IQCM: variants seen among roughly 807,000 people sequenced by gnomAD.
IQCM encodes the protein IQ motif containing M, also known as IQ domain-containing protein M.
Under a neutral mutation model 57.6 loss-of-function variants are expected in IQCM, and 45 were observed. The observed-to-expected ratio is 0.78, with a 90% CI of 0.62 to 1.00. The LOEUF is 1.00. Among genes scored for constraint, IQCM ranks in the 50% least tolerant of loss-of-function variants. The pLI, the probability that IQCM is intolerant of heterozygous loss-of-function variation, is 0.00. For missense variants in IQCM, 468 were observed against 511.6 expected, an observed-to-expected ratio of 0.91 and a Z score of 0.82; for synonymous variants, 148 against 158.9, an observed-to-expected ratio of 0.93 and a Z score of 0.51.
At chr4:149,364,602 G>C (rs1191918703) in intron 13 of IQCM, among the ~76,000 whole-genome samples, 1 of 152,082 alleles carries the variant, frequency 6.6e-6, no homozygotes, top group Non-Finnish European at 1.5e-5. Flanking sequence ...GTCTGCACCA[G>C]ATGAAAGGAA....
chr4:149,625,326 A>G (rs546070319), intron 7 of IQCM, among the ~76,000 whole-genome samples: 2 of 152,362 alleles, frequency 1.3e-5, no homozygotes, highest in East Asian at 3.9e-4. Context: ...TGTTTCCAAA[A>G]GGATTCAATG....
At chr4:149,423,747 C>A (rs115653222) in intron 13 of IQCM, among the ~76,000 whole-genome samples, 2,434 of 151,890 alleles carry the variant, frequency 0.016, 51 homozygotes, top group African/African-American at 0.05. Flanking sequence ...TTTTATTTAC[C>A]TTTGAATCCT....
chr4:149,776,138 A>T (rs1313169706), intron 2 of IQCM, among the ~76,000 whole-genome samples: 6 of 150,146 alleles, frequency 4.0e-5, no homozygotes, highest in African/African-American at 1.5e-4. Context: ...TCTCTAAAAA[A>T]TTTAATTTAA....
chr4:149,458,734 T>C (rs950497480), intron 12 of IQCM, among the ~76,000 whole-genome samples: 3 of 152,136 alleles, frequency 2.0e-5, no homozygotes. Context: ...GAATTTAGTA[T>C]TTTGGTAGCA....
At chr4:149,521,386 T>C (rs900974169) in intron 12 of IQCM, among the ~76,000 whole-genome samples, 2 of 152,172 alleles carry the variant, frequency 1.3e-5, no homozygotes, top group Non-Finnish European at 2.9e-5. Flanking sequence ...TTCTCCTCTT[T>C]TTTCTACCAT....
At chr4:149,362,879 G>A (rs748680585) in intron 13 of IQCM, among the ~76,000 whole-genome samples, 5 of 152,198 alleles carry the variant, frequency 3.3e-5, no homozygotes, top group Non-Finnish European at 7.3e-5. Flanking sequence ...CTTTTAGTAA[G>A]AGGAGAATGA....
intron 12 of IQCM, among the ~76,000 whole-genome samples, chr4:149,483,079 C>T (rs180829223): frequency 1.5e-4 from 23 of 151,934 alleles, no homozygotes; most frequent in African/African-American, 5.5e-4. Flanking sequence ...TAGTCACTAA[C>T]AATCCTTTGA....
intron 6 of IQCM, among the ~76,000 whole-genome samples, chr4:149,683,182 A>T (rs1312879812): frequency 2.6e-5 from 4 of 151,156 alleles, no homozygotes; most frequent in South Asian, 2.1e-4. Context: ...CTTATTTACC[A>T]GTGTTCTTCT....
At chr4:149,738,243 G>A (rs1429762642) in intron 3 of IQCM, among the ~76,000 whole-genome samples, 1 of 152,166 alleles carries the variant, frequency 6.6e-6, no homozygotes, top group Non-Finnish European at 1.5e-5. Flanking sequence ...CACCTCATGA[G>A]TACTGGAAAT....
At chr4:149,775,755 T>A (rs994052717) in intron 2 of IQCM, among the ~76,000 whole-genome samples, 2 of 152,202 alleles carry the variant, frequency 1.3e-5, no homozygotes, top group African/African-American at 4.8e-5. Context: ...GCCAAGATAA[T>A]GATGTTCACT....
At chr4:149,523,026 G>A (rs1451114414) in intron 12 of IQCM, among the ~76,000 whole-genome samples, 3 of 152,114 alleles carry the variant, frequency 2.0e-5, no homozygotes. Flanking sequence ...TGATTCTGGA[G>A]AGGCTGGGAA....
At chr4:149,611,011 A>C (rs1343637755) in intron 8 of IQCM, among the ~76,000 whole-genome samples, 1 of 152,120 alleles carries the variant, frequency 6.6e-6, no homozygotes, top group African/African-American at 2.4e-5. Context: ...AAACAACTCA[A>C]TAGGAAAAGA....
At chr4:149,653,428 CTCTT>C (rs1422232515) in intron 7 of IQCM, among the ~76,000 whole-genome samples, 12 of 152,154 alleles carry the variant, frequency 7.9e-5, no homozygotes, top group African/African-American at 2.4e-4. Context: ...AAGCCAACCT[CTCTT>C]TCTTTCTATG....
At chr4:149,620,837 A>G (rs1307884437) in intron 8 of IQCM, among the ~76,000 whole-genome samples, 2 of 152,198 alleles carry the variant, frequency 1.3e-5, no homozygotes, top group Admixed American at 1.3e-4. Flanking sequence ...CCATTACAAA[A>G]ATAGTGGAGG....
At chr4:149,558,858 G>A (rs1056313860) in intron 10 of IQCM, among the ~76,000 whole-genome samples, 15 of 152,090 alleles carry the variant, frequency 9.9e-5, no homozygotes, top group Admixed American at 2.6e-4. Flanking sequence ...TCTGAATTTT[G>A]GACCCATATA....
chr4:149,554,750 AGTGCAGT>A (rs1749392437), intron 10 of IQCM, among the ~76,000 whole-genome samples: 6 of 149,410 alleles, frequency 4.0e-5, no homozygotes, highest in African/African-American at 1.5e-4. Context: ...CCCAGGCTGG[AGTGCAGT>A]GGCGCGATCT....
At chr4:149,486,786 A>G (rs1025795910) in intron 12 of IQCM, among the ~76,000 whole-genome samples, 1 of 152,016 alleles carries the variant, frequency 6.6e-6, no homozygotes, top group African/African-American at 2.4e-5. Context: ...CTCTTTCCTC[A>G]GGTTGTAGTG....
At position 149,485,227 on chromosome 4, in the gene IQCM, T is replaced by C. The variant is rs1741341313; in HGVS notation, c.1229-51670A>G. Among the ~76,000 whole-genome samples the C allele has an allele frequency of 2.0e-5, 3 of 152,054 alleles. No individual in the cohort carries two copies. In the South Asian group the frequency reaches 6.2e-4, roughly 31 times the overall value. ...TCTGCTTGGTGTTCTATAATCTTCTTATATGTGAATGTTGATATCTTTCTC... is the reference window on the plus strand; with the variant it reads ...TCTGCTTGGTGTTCTATAATCTTCTCATATGTGAATGTTGATATCTTTCTC... On this transcript the variant is annotated intron_variant, in intron 12 of 13. Coordinates refer to ENST00000636793, the MANE Select transcript of IQCM (RefSeq NM_001363507.2).
At chr4:149,465,550 C>T in intron 12 of IQCM, among the ~76,000 whole-genome samples, 1 of 152,072 alleles carries the variant, frequency 6.6e-6, no homozygotes, top group East Asian at 1.9e-4. Context: ...CAACTTTCAC[C>T]CCACTATACA....
Sources: gnomAD v4.1 joint callset for allele counts (sites outside exome capture counted in the v4.1 genomes callset) on GRCh38, gnomAD v4.1.1 for gene constraint, MANE v1.5 for transcripts, NCBI Gene and HGNC (gene_info 2026-07-23, HGNC 2026-07-21) for gene names.